PTGER3: variants seen among roughly 807,000 people sequenced by gnomAD.
PTGER3 encodes the protein prostaglandin E2 receptor EP3 subtype.
A neutral mutation model predicts 34.7 loss-of-function variants in PTGER3; 22 were observed. That is an observed-to-expected ratio of 0.63 (90% CI 0.45 to 0.91). PTGER3 has a LOEUF of 0.91. Among genes scored for constraint, PTGER3 ranks in the 40% least tolerant of loss-of-function variants. The pLI is 0.00. For synonymous variants in PTGER3, 241 were observed against 230.1 expected (o/e 1.05, Z -0.43); for missense variants, 468 against 519.4 (o/e 0.90, Z 0.96).
At chr1:70,862,343 G>C (rs1266440944) in intron 4 of PTGER3, 1 of 1,366,278 alleles carries the variant, frequency 7.3e-7, no homozygotes, top group South Asian at 1.1e-5. Context: ...TTCATCCCAG[G>C]GTTAGGCAGA....
intron 2 of PTGER3, among the ~76,000 whole-genome samples, chr1:70,987,491 A>C (rs1374195313): frequency 6.6e-6 from 1 of 152,222 alleles, no homozygotes; most frequent in Non-Finnish European, 1.5e-5. Flanking sequence ...TAAATAAAAG[A>C]CTATAATAAA....
chr1:70,858,305 T>C (rs1235075087), intron 4 of PTGER3, among the ~76,000 whole-genome samples: 1 of 150,684 alleles, frequency 6.6e-6, no homozygotes, highest in Non-Finnish European at 1.5e-5. Context: ...TTGAAACAAA[T>C]GCATCACTTT....
intron 2 of PTGER3, among the ~76,000 whole-genome samples, chr1:70,958,984 T>A (rs1307228237): frequency 6.6e-6 from 1 of 152,222 alleles, no homozygotes; most frequent in African/African-American, 2.4e-5. Context: ...ATCAGTTGGC[T>A]GTAAATGCAT....
In PTGER3 at chr1:71,014,445, G is replaced by A. The variant is rs187064023; in HGVS notation, c.898-1961C>T. On this transcript the variant is annotated intron_variant, in intron 1 of 3. Transcript: ENST00000306666. The stretch of plus-strand genomic sequence containing the variant: ...GAATTATGGTAATAACAGACACCCA[G>A]ATGGTACATGTACGGACTGAATGTT... Among the ~76,000 whole-genome samples, 3 of 152,296 alleles carry A rather than the reference G, an allele frequency of 2.0e-5. No individual in the cohort carries two copies. In the East Asian group the frequency reaches 5.8e-4, roughly 29 times the overall value.
In PTGER3 at chr1:70,875,751, T is replaced by C. The variant is rs116300854; in HGVS notation, c.*24-22892A>G. ...GGTTTCTTTTTCTGCATTAGTTTGCTTAGGATTATGGCCTCCAGCTTTATC... is the reference window on the plus strand; with the variant it reads ...GGTTTCTTTTTCTGCATTAGTTTGCCTAGGATTATGGCCTCCAGCTTTATC... On this transcript the variant is annotated intron_variant, in intron 4 of 4. Transcript: ENST00000370931. 3.4e-3 allele frequency among the ~76,000 whole-genome samples: 519 copies of C among 152,298 alleles called. 5 individuals are homozygous for C. Among genetic ancestry groups the C allele is most frequent in the East Asian group, 4.4e-3 (23 of 5,184 alleles).
intron 4 of PTGER3, among the ~76,000 whole-genome samples, chr1:70,919,908 G>T (rs149915743): frequency 1.3e-5 from 2 of 152,126 alleles, no homozygotes; most frequent in African/African-American, 2.4e-5. Context: ...CAGTTGTAAA[G>T]AAATCATTAA....
At chr1:70,971,979 A>G (rs1434018701) in intron 3 of PTGER3, among the ~76,000 whole-genome samples, 2 of 152,204 alleles carry the variant, frequency 1.3e-5, no homozygotes, top group African/African-American at 4.8e-5. Context: ...GTCTAAAAAG[A>G]AATAAGGAAG....
chr1:71,029,701 G>A (rs1659234990), intron 1 of PTGER3, among the ~76,000 whole-genome samples: 1 of 152,046 alleles, frequency 6.6e-6, no homozygotes, highest in Non-Finnish European at 1.5e-5. Flanking sequence ...CTAGGCAGGA[G>A]GATCACTTGA....
chr1:70,993,582 G>C (rs575863482), intron 2 of PTGER3, among the ~76,000 whole-genome samples: 143 of 152,308 alleles, frequency 9.4e-4, no homozygotes, highest in African/African-American at 2.6e-3. Context: ...AAAAAGCTCT[G>C]TAGTCTCTGG....
At chr1:71,036,643 A>C (rs1240614693) in intron 1 of PTGER3, among the ~76,000 whole-genome samples, 1 of 152,194 alleles carries the variant, frequency 6.6e-6, no homozygotes, top group Non-Finnish European at 1.5e-5. Context: ...GATCGAGACC[A>C]TCCTGGCTAA....
downstream of PTGER3, among the ~76,000 whole-genome samples, chr1:70,969,176 C>T (rs1652835348): frequency 6.6e-6 from 1 of 152,072 alleles, no homozygotes; most frequent in Non-Finnish European, 1.5e-5. Flanking sequence ...CATTGCACTC[C>T]AGCCTGGGCA....
chr1:70,912,788 AT>A (rs1205260906), intron 4 of PTGER3, among the ~76,000 whole-genome samples: 2 of 152,046 alleles, frequency 1.3e-5, no homozygotes, highest in Non-Finnish European at 2.9e-5. Context: ...TGGCACTTTT[AT>A]TGAAAATCAG....
chr1:71,042,469 T>C (rs995509986), intron 1 of PTGER3, among the ~76,000 whole-genome samples: 5 of 152,112 alleles, frequency 3.3e-5, no homozygotes, highest in Non-Finnish European at 7.4e-5. Context: ...TCTGCTTTTC[T>C]GAACAGATTA....
exon 4 of PTGER3, chr1:70,953,015 T>A (rs1001801414): frequency 6.2e-7 from 1 of 1,611,912 alleles, no homozygotes; most frequent in Non-Finnish European, 8.5e-7. Flanking sequence ...GCCCACAATG[T>A]GCAGTTGCCC....
At chr1:70,931,782 G>T (rs998734438) in intron 4 of PTGER3, among the ~76,000 whole-genome samples, 15 of 152,102 alleles carry the variant, frequency 9.9e-5, no homozygotes, top group Non-Finnish European at 5.9e-5. Flanking sequence ...TTCCTCCTAG[G>T]CTTCCTGGTC....
intron 4 of PTGER3, among the ~76,000 whole-genome samples, chr1:70,923,784 C>T (rs1647783337): frequency 6.6e-6 from 1 of 152,136 alleles, no homozygotes; most frequent in South Asian, 2.1e-4. Flanking sequence ...TTCTCTCTAC[C>T]AGTTTTATCC....
downstream of PTGER3, among the ~76,000 whole-genome samples, chr1:70,966,306 G>A (rs966665129): frequency 1.3e-5 from 2 of 152,046 alleles, no homozygotes; most frequent in Non-Finnish European, 2.9e-5. Flanking sequence ...TACTGCTCAG[G>A]TGATGGGTTC....
chr1:70,899,507 T>C (rs1399596835), intron 4 of PTGER3, among the ~76,000 whole-genome samples: 1 of 152,050 alleles, frequency 6.6e-6, no homozygotes, highest in Non-Finnish European at 1.5e-5. Flanking sequence ...GAATCACTAA[T>C]GTGTTTTGAA....
At chr1:70,987,623 G>C (rs2100754966) in intron 2 of PTGER3, among the ~76,000 whole-genome samples, 1 of 152,304 alleles carries the variant, frequency 6.6e-6, no homozygotes, top group South Asian at 2.1e-4. Context: ...TGAAGCTGCA[G>C]GTGTGGTCAC....
Sources: gnomAD v4.1 joint callset for allele counts (sites outside exome capture counted in the v4.1 genomes callset) on GRCh38, gnomAD v4.1.1 for gene constraint, MANE v1.5 for transcripts, NCBI Gene and HGNC (gene_info 2026-07-23, HGNC 2026-07-21) for gene names.